The following URB1 variants were observed in gnomAD, a reference collection of about 807,000 sequenced individuals.
URB1 encodes the protein nucleolar pre-ribosomal-associated protein 1.
A neutral mutation model predicts 242.3 loss-of-function variants in URB1; 197 were observed. The ratio of observed to expected loss-of-function variants is 0.81; its 90% CI spans 0.72 to 0.91. URB1 has a LOEUF of 0.91. URB1 is among the 40% of genes least tolerant of loss of function. The pLI is 0.00. For synonymous variants in URB1, 1,153 were observed against 1,201.8 expected (o/e 0.96, Z 0.84); for missense variants, 2,721 against 2,860.5 (o/e 0.95, Z 1.11).
chr21:32,321,992 T>C, intron 33 of URB1, 48 bp from the exon 34 acceptor site: 1 of 1,540,282 alleles, frequency 6.5e-7, no homozygotes. Flanking sequence ...TGAAAGTCCT[T>C]TCATCTGACA....
intron 33 of URB1, 132 bp downstream of exon 33, chr21:32,322,346 C>T: frequency 3.8e-6 from 3 of 798,354 alleles, no homozygotes; most frequent in Middle Eastern, 3.1e-4. Flanking sequence ...TGCAGGCCTG[C>T]GTGGCCACCG....
intron 11 of URB1, among the ~76,000 whole-genome samples, chr21:32,362,851 C>T (rs185014499): frequency 1.9e-4 from 29 of 152,314 alleles, no homozygotes; most frequent in East Asian, 1.2e-3. Context: ...AACATCACCA[C>T]GGCTCCTGAT....
At chr21:32,389,390 G>C (rs1156714265) in intron 1 of URB1, among the ~76,000 whole-genome samples, 2 of 152,176 alleles carry the variant, frequency 1.3e-5, no homozygotes, top group East Asian at 3.8e-4. Context: ...TGTCATGAGA[G>C]GAGTGACATA....
chr21:32,331,726 T>A (rs1408449028), intron 30 of URB1, among the ~76,000 whole-genome samples: 1 of 152,236 alleles, frequency 6.6e-6, no homozygotes, highest in African/African-American at 2.4e-5. Flanking sequence ...CGGCGATACT[T>A]CAGCCAAACA....
intron 38 of URB1, among the ~76,000 whole-genome samples, chr21:32,315,762 A>C (rs1187241924): frequency 6.6e-6 from 1 of 152,194 alleles, no homozygotes; most frequent in African/African-American, 2.4e-5. Context: ...GGAGGAGGAG[A>C]AAGCTTGCAG....
chr21:32,385,507 T>C (rs1325807259), intron 2 of URB1, 38 bp downstream of exon 2: 1 of 1,536,374 alleles, frequency 6.5e-7, no homozygotes. Context: ...AGCATTAACT[T>C]TTCTTCTCTT....
Position 32,311,914 on chromosome 21 carries a change from T to C in URB1, c.*3004A>G. ...ACCCACCCCACTCTCCTCTGGGAACTGACCCTCAATGGGGGTCCCCTCGTC... is the reference window on the plus strand; with the variant it reads ...ACCCACCCCACTCTCCTCTGGGAACCGACCCTCAATGGGGGTCCCCTCGTC... On this transcript the variant is annotated 3_prime_UTR_variant, in exon 39 of 39. Coordinates refer to ENST00000382751, the MANE Select transcript of URB1 (RefSeq NM_014825.3). The C allele has an allele frequency of 6.2e-7, 1 of 1,613,834 alleles. No individual in the cohort carries two copies. Among genetic ancestry groups the C allele is most frequent in the Non-Finnish European group, 8.5e-7 (1 of 1,180,034 alleles).
chr21:32,326,743 G>C (rs573691336), intron 30 of URB1, among the ~76,000 whole-genome samples: 1 of 152,160 alleles, frequency 6.6e-6, no homozygotes, highest in African/African-American at 2.4e-5. Flanking sequence ...TACCATAATT[G>C]AAAGTTTCCT....
At position 32,347,006 on chromosome 21, in the gene URB1, T is replaced by C. The variant is rs1337098366; in HGVS notation, c.3818A>G (p.His1273Arg). ...CCGTGTCCTGCACTGGAGGTACACA[T>C]GGATGAGGGGAAGGAAGTCGTCCAG... is the stretch of plus-strand genomic sequence containing the variant. Reference protein sequence around the residue: ...GDLDDFLPLIHVYLQCRTRSH... With the variant: ...GDLDDFLPLIRVYLQCRTRSH... Residue 1273 changes from histidine to arginine, a missense_variant, in exon 22 of 39, where the codon CAT (histidine) becomes CGT (arginine). His to Arg is a conservative substitution (Grantham distance 29, BLOSUM62 0). Transcript: ENST00000382751. The C allele has an allele frequency of 1.2e-5, 18 of 1,544,620 alleles. No homozygotes were observed. Among genetic ancestry groups the C allele is most frequent in the Admixed American group, 2.0e-5 (1 of 50,724 alleles).
chr21:32,364,441 G>C (rs955460405), intron 10 of URB1, among the ~76,000 whole-genome samples: 2 of 152,206 alleles, frequency 1.3e-5, no homozygotes, highest in African/African-American at 4.8e-5. Flanking sequence ...TGACAGTGCG[G>C]TAGAAACAAA....
Position 32,346,953 on chromosome 21 carries a change from T to C in URB1, c.3868+3A>G. 6.7e-7 allele frequency: 1 copy of C among 1,499,606 alleles called. No homozygotes were observed. Among genetic ancestry groups the C allele is most frequent in the Non-Finnish European group, 9.0e-7 (1 of 1,114,880 alleles). 92.9% of individuals were successfully genotyped at this position (1,499,606 alleles called of 1,614,324 possible). On this transcript the variant is annotated splice_donor_region_variant and intron_variant, in intron 22 of 38. Transcript: ENST00000382751. Reference sequence around the variant, plus strand: ...AGCTGCCCAAAGCTAGCCTTTCCCTTACCTCCTGCTGGGCGTGTGAAGTGG... The same window carrying C: ...AGCTGCCCAAAGCTAGCCTTTCCCTCACCTCCTGCTGGGCGTGTGAAGTGG...
rs1568806471 is a variant in URB1, at chr21:32,317,812, G to C, written c.5898C>G (p.Phe1966Leu). 6 of 1,551,862 alleles carry C rather than the reference G, an allele frequency of 3.9e-6. No individual in the cohort carries two copies. The highest frequency in any genetic ancestry group is 4.4e-6 in the Non-Finnish European group (5 of 1,147,072). Residue 1966 changes from phenylalanine to leucine, a missense_variant, in exon 37 of 39, where the codon TTC becomes TTG. By Grantham distance (22) the Phe-to-Leu change is conservative. Transcript: ENST00000382751. Reference protein sequence around the residue: ...VIQAFRDMNRFTVNETVLSTK... With the variant: ...VIQAFRDMNRLTVNETVLSTK... Reference sequence around the variant, plus strand: ...TGGAAAGCACTGTCTCATTTACGGTGAATCTGTTCATGTCCCTAAAGGCCT... The same window carrying C: ...TGGAAAGCACTGTCTCATTTACGGTCAATCTGTTCATGTCCCTAAAGGCCT...
At chr21:32,319,186 G>A (rs746976790) in intron 36 of URB1, 31 bp downstream of exon 36, 9 of 1,532,568 alleles carry the variant, frequency 5.9e-6, no homozygotes, top group Non-Finnish European at 7.0e-6. Context: ...CAAGAGGCCA[G>A]AAGGGCCCCC....
intron 38 of URB1, 86 bp from the exon 39 acceptor site, chr21:32,315,185 G>T: frequency 7.4e-7 from 1 of 1,359,842 alleles, no homozygotes; most frequent in Non-Finnish European, 9.7e-7. Flanking sequence ...CAACGGCTTT[G>T]CCAAGTGCCC....
chr21:32,335,863 G>A (rs923560436), intron 28 of URB1, among the ~76,000 whole-genome samples: 5 of 152,244 alleles, frequency 3.3e-5, no homozygotes, highest in African/African-American at 9.6e-5. Flanking sequence ...GTGCCAGTGA[G>A]CGGCACATCC....
At chr21:32,319,693 A>T (rs1431624150) in intron 35 of URB1, among the ~76,000 whole-genome samples, 3 of 152,234 alleles carry the variant, frequency 2.0e-5, no homozygotes, top group Non-Finnish European at 2.9e-5. Context: ...AAAACAAGAC[A>T]CTATAAGCCA....
intron 25 of URB1, among the ~76,000 whole-genome samples, 166 bp downstream of exon 25, chr21:32,341,300 G>A (rs1169686808): frequency 6.6e-6 from 1 of 152,162 alleles, no homozygotes; most frequent in Admixed American, 6.5e-5. Context: ...AGCACCCTGT[G>A]TCAAGAGGCA....
chr21:32,332,268 T>C (rs981264047), intron 30 of URB1, among the ~76,000 whole-genome samples: 1 of 151,960 alleles, frequency 6.6e-6, no homozygotes, highest in African/African-American at 2.4e-5. Context: ...ACAGAGTTCT[T>C]AGATGCCAAG....
chr21:32,331,820 A>G (rs2032896369), intron 30 of URB1, among the ~76,000 whole-genome samples: 1 of 152,212 alleles, frequency 6.6e-6, no homozygotes, highest in Non-Finnish European at 1.5e-5. Context: ...AGGAGCCCCA[A>G]ATCCCCTGTT....
Sources: allele counts gnomAD v4.1 joint callset (sites outside exome capture counted in the v4.1 genomes callset), GRCh38; gene constraint gnomAD v4.1.1; transcripts MANE v1.5; gene names NCBI Gene and HGNC (gene_info 2026-07-23, HGNC 2026-07-21).